CCNT2: variants seen among roughly 807,000 people sequenced by gnomAD.
CCNT2 encodes cyclin-T2.
CCNT2 carries 18 observed loss-of-function variants against 70.0 expected under a neutral mutation model. The ratio of observed to expected loss-of-function variants is 0.26; its 90% CI spans 0.18 to 0.38. CCNT2 has a LOEUF of 0.38. Ranked by LOEUF, CCNT2 falls within the 10% of genes least tolerant of loss-of-function variation. CCNT2 has a pLI of 1.00. For synonymous variants in CCNT2, 334 were observed against 313.3 expected (o/e 1.07, Z -0.70); for missense variants, 734 against 890.2 (o/e 0.82, Z 2.23).
Position 134,954,769 on chromosome 2 carries a change from A to G in CCNT2, c.*121A>G. 1 of 632,658 alleles carries G rather than the reference A, an allele frequency of 1.6e-6. No individual in the cohort carries two copies. Among genetic ancestry groups the G allele is most frequent in the Non-Finnish European group, 2.8e-6 (1 of 356,388 alleles). 39.2% of individuals were successfully genotyped at this position (632,658 alleles called of 1,614,324 possible). A position where few individuals can be genotyped will look rare whatever the true frequency, so the allele number is the denominator to read the frequency against. Reference sequence around the variant, plus strand: ...TTGCTGCCACTGCTTCAATATTTGTAAGTGCTGCTTTATTCTTCATTCTGA... The same window carrying G: ...TTGCTGCCACTGCTTCAATATTTGTGAGTGCTGCTTTATTCTTCATTCTGA... On this transcript the variant is annotated 3_prime_UTR_variant, in exon 9 of 9. Transcript: ENST00000264157.
chr2:134,923,489 A>G (rs1193136027), intron 2 of CCNT2, among the ~76,000 whole-genome samples: 3 of 152,164 alleles, frequency 2.0e-5, no homozygotes, highest in South Asian at 2.1e-4. Flanking sequence ...TCTTATGCCC[A>G]AGATCCATTA....
Position 134,954,981 on chromosome 2 carries a change from T to C in CCNT2, c.*333T>C. On this transcript the variant is annotated 3_prime_UTR_variant, in exon 9 of 9. Coordinates refer to ENST00000264157, the MANE Select transcript of CCNT2 (RefSeq NM_058241.3). ...TTCATTATTTATGATTTGAATACTG[T>C]AGCTATTTTTTGTTGCTTGGCTTTT... is the stretch of plus-strand genomic sequence containing the variant. 1 of 211,618 alleles carries C rather than the reference T, an allele frequency of 4.7e-6. No individual in the cohort carries two copies. The highest frequency in any genetic ancestry group is 9.6e-6 in the Non-Finnish European group (1 of 104,128). 13.1% of individuals were successfully genotyped at this position (211,618 alleles called of 1,614,324 possible).
chr2:134,930,948 A>G (rs926913527), intron 2 of CCNT2, among the ~76,000 whole-genome samples: 1 of 150,232 alleles, frequency 6.7e-6, no homozygotes, highest in Admixed American at 6.7e-5. Flanking sequence ...GTTTTTATGT[A>G]TGATGTAAAT....
chr2:134,922,372 T>C (rs1435085752), intron 2 of CCNT2, among the ~76,000 whole-genome samples: 1 of 152,214 alleles, frequency 6.6e-6, no homozygotes, highest in African/African-American at 2.4e-5. Flanking sequence ...TTTTCCCACA[T>C]TGACATATTA....
chr2:134,937,908 C>T (rs537323458), intron 3 of CCNT2, among the ~76,000 whole-genome samples: 12 of 152,104 alleles, frequency 7.9e-5, no homozygotes, highest in Admixed American at 1.3e-4. Flanking sequence ...GAGTGAAACA[C>T]CGTCTCAAAA....
At position 134,953,583 on chromosome 2, in the gene CCNT2, G is replaced by C. The variant is rs1052458897; in HGVS notation, c.1128G>C (p.Gln376His). The C allele has an allele frequency of 1.2e-6, 2 of 1,614,116 alleles. No individual in the cohort carries two copies. The highest frequency in any genetic ancestry group is 1.3e-5 in the African/African-American group (1 of 75,046). ...AGGAGACATCTTTGTCTGGTAGCCA[G>C]TACAACATCAACTTCCAGCAGGGAC... Reference protein sequence around the residue: ...QKQETSLSGSQYNINFQQGPS... With the variant: ...QKQETSLSGSHYNINFQQGPS... The change falls in exon 9 of 9, where the codon CAG (glutamine) becomes CAC (histidine). Residue 376 changes from glutamine (Q) to histidine (H), a missense_variant. Physicochemically the swap from Gln to His is conservative, Grantham distance 24. This residue lies in a region of CCNT2 where 532 missense variants were observed against 556.9 expected (regional missense o/e 0.96). Coordinates refer to ENST00000264157, the MANE Select transcript of CCNT2 (RefSeq NM_058241.3).
intron 2 of CCNT2, among the ~76,000 whole-genome samples, chr2:134,931,237 C>T (rs1559094972): frequency 7.6e-6 from 1 of 132,412 alleles, no homozygotes; most frequent in Non-Finnish European, 1.5e-5. Flanking sequence ...GCTAGGATTA[C>T]AGGCATAAGC....
At chr2:134,936,314 C>T (rs1681151914) in intron 2 of CCNT2, among the ~76,000 whole-genome samples, 1 of 151,850 alleles carries the variant, frequency 6.6e-6, no homozygotes, top group Admixed American at 6.6e-5. Context: ...GTTCTATGTG[C>T]AAAACGAGTA....
intron 7 of CCNT2, among the ~76,000 whole-genome samples, chr2:134,948,734 T>TTTTTTTA (rs1682193324): frequency 6.6e-6 from 1 of 151,588 alleles, no homozygotes. Context: ...TTTTTTTTTT[T>TTTTTTTA]GAGTCAGTCT....
chr2:134,921,236 CA>C (rs1181732449), intron 2 of CCNT2, among the ~76,000 whole-genome samples: 3 of 152,210 alleles, frequency 2.0e-5, no homozygotes, highest in Non-Finnish European at 2.9e-5. Flanking sequence ...AATTACAAAT[CA>C]AAATAGTTCT....
chr2:134,954,643 A>G lies in CCNT2; in HGVS notation c.2188A>G (p.Met730Val). 1 of 1,588,216 alleles carries G rather than the reference A, an allele frequency of 6.3e-7. No individual in the cohort carries two copies. Among genetic ancestry groups the G allele is most frequent in the Non-Finnish European group, 8.6e-7 (1 of 1,160,848 alleles). ...ACTGTTAAGTGCCCAAGGAATGAAC[A>G]TGTAATAATTTGTTTAGGTCAATTT... ...DSLLSAQGMN[M>V] Residue 730 changes from methionine (M) to valine (V), a missense_variant, in exon 9 of 9, where the codon ATG becomes GTG. Physicochemically the swap from Met to Val is conservative, Grantham distance 21. Around this residue, in one of 3 missense-constraint regions of CCNT2, gnomAD observed 532 missense variants for 556.9 expected, o/e 0.96. Transcript: ENST00000264157.
At position 134,924,533 on chromosome 2, in the gene CCNT2, T is replaced by A. The variant is rs146131734; in HGVS notation, c.240+4642T>A. Reference sequence around the variant, plus strand: ...GGTGCAATCTCGGCTCGCTGCAACCTCCGCCTCCTGAGTTCAAGTGAATCT... The same window carrying A: ...GGTGCAATCTCGGCTCGCTGCAACCACCGCCTCCTGAGTTCAAGTGAATCT... On this transcript the variant is annotated intron_variant, in intron 2 of 8. Coordinates refer to ENST00000264157, the MANE Select transcript of CCNT2 (RefSeq NM_058241.3). 2.4e-3 allele frequency among the ~76,000 whole-genome samples: 366 copies of A among 152,278 alleles called. 1 individual carries two copies. The highest frequency in any genetic ancestry group is 8.3e-3 in the African/African-American group (345 of 41,562).
At chr2:134,949,257 C>T (rs1682251629) in intron 7 of CCNT2, among the ~76,000 whole-genome samples, 2 of 152,210 alleles carry the variant, frequency 1.3e-5, no homozygotes. Flanking sequence ...GCTGGGATTA[C>T]AGGTTTGAGC....
chr2:134,924,331 A>G (rs1244035452), intron 2 of CCNT2, among the ~76,000 whole-genome samples: 2 of 152,232 alleles, frequency 1.3e-5, no homozygotes, highest in Admixed American at 1.3e-4. Context: ...ATAGTGGATT[A>G]TTATAAAACA....
chr2:134,954,291 TAGCTCC>T lies in CCNT2; in HGVS notation c.1842_1847del (p.Ser616_Ser617del), dbSNP rs772605782. Reference sequence around the variant, plus strand: ...GCCTGAGCAGTGATGGCATTTCCTCTAGCTCCAGCTCTTCAAGGAAGAGGCTGCATG... The same window carrying T: ...GCCTGAGCAGTGATGGCATTTCCTCTAGCTCTTCAAGGAAGAGGCTGCATG... On this transcript the variant is annotated inframe_deletion, in exon 9 of 9. Transcript: ENST00000264157. 2 of 1,614,110 alleles carry T rather than the reference TAGCTCC, an allele frequency of 1.2e-6. No homozygotes were observed. The highest frequency in any genetic ancestry group is 8.5e-7 in the Non-Finnish European group (1 of 1,179,956).
chr2:134,922,044 C>T (rs1481656044), intron 2 of CCNT2, among the ~76,000 whole-genome samples: 2 of 152,124 alleles, frequency 1.3e-5, no homozygotes, highest in Non-Finnish European at 2.9e-5. Flanking sequence ...CACCGCCTCA[C>T]TTTTATCTTT....
At chr2:134,950,603 C>T (rs891936955) in intron 7 of CCNT2, among the ~76,000 whole-genome samples, 10 of 152,092 alleles carry the variant, frequency 6.6e-5, no homozygotes, top group African/African-American at 2.2e-4. Context: ...TGCTACTGCT[C>T]TCCAGCCTGG....
At chr2:134,937,910 G>A (rs1413976053) in intron 3 of CCNT2, among the ~76,000 whole-genome samples, 2 of 151,902 alleles carry the variant, frequency 1.3e-5, no homozygotes, top group South Asian at 2.1e-4. Context: ...GTGAAACACC[G>A]TCTCAAAAAA....
chr2:134,936,525 A>G lies in CCNT2; in HGVS notation c.241-316A>G, dbSNP rs113122388. Among the ~76,000 whole-genome samples, 458 of 152,216 alleles carry G rather than the reference A, an allele frequency of 3.0e-3. 1 individual carries two copies. Among genetic ancestry groups the G allele is most frequent in the African/African-American group, 0.01 (429 of 41,530 alleles). ...TCCCAGCACTTTGGGAGGCCGAGGCAGATGGATCACCTGAGCTCAAGAGTT... is the reference window on the plus strand; with the variant it reads ...TCCCAGCACTTTGGGAGGCCGAGGCGGATGGATCACCTGAGCTCAAGAGTT... On this transcript the variant is annotated intron_variant, in intron 2 of 8. Transcript: ENST00000264157.
Sources: allele counts gnomAD v4.1 joint callset (sites outside exome capture counted in the v4.1 genomes callset), GRCh38; gene constraint gnomAD v4.1.1; regional missense constraint gnomAD v4.1.1; transcripts MANE v1.5; gene names NCBI Gene and HGNC (gene_info 2026-07-23, HGNC 2026-07-21).